The following CCDC148 variants were observed in gnomAD, a reference collection of about 807,000 sequenced individuals.
The protein encoded by CCDC148 is coiled-coil domain-containing protein 148.
A neutral mutation model predicts 85.7 loss-of-function variants in CCDC148; 89 were observed. That is an observed-to-expected ratio of 1.04 (90% CI 0.87 to 1.24). The LOEUF (loss-of-function observed/expected upper bound fraction) is 1.24. Ranked by LOEUF, CCDC148 falls within the 50% of genes most tolerant of loss-of-function variation. The probability of loss-of-function intolerance (pLI) is 0.00; values close to 1 mark genes in which losing one functional copy is unlikely to be tolerated. For missense variants in CCDC148, 692 were observed against 671.7 expected (o/e 1.03, Z -0.33); for synonymous variants, 230 against 213.9 (o/e 1.08, Z -0.66).
At chr2:158,397,869 C>T (rs551442762) in intron 1 of CCDC148, among the ~76,000 whole-genome samples, 26 of 152,124 alleles carry the variant, frequency 1.7e-4, no homozygotes, top group Admixed American at 1.6e-3. Context: ...CATCAGTGTG[C>T]TGTATTCAAG....
intron 1 of CCDC148, among the ~76,000 whole-genome samples, chr2:158,428,791 T>A (rs1024025592): frequency 2.0e-5 from 3 of 151,934 alleles, no homozygotes; most frequent in Admixed American, 1.3e-4. Flanking sequence ...ACTGAGCATA[T>A]ACCCAAAGGA....
At chr2:158,358,058 G>T (rs978370610) in intron 2 of CCDC148, among the ~76,000 whole-genome samples, 1 of 152,128 alleles carries the variant, frequency 6.6e-6, no homozygotes, top group African/African-American at 2.4e-5. Context: ...CTAGAAAAGA[G>T]AGCACCTGAG....
intron 9 of CCDC148, among the ~76,000 whole-genome samples, chr2:158,295,056 C>T (rs1212861327): frequency 6.6e-6 from 1 of 152,000 alleles, no homozygotes; most frequent in Non-Finnish European, 1.5e-5. Flanking sequence ...CATATATCTT[C>T]CTTGGTGAAG....
chr2:158,384,764 A>G (rs1260645001), intron 1 of CCDC148, among the ~76,000 whole-genome samples: 3 of 152,120 alleles, frequency 2.0e-5, no homozygotes, highest in Non-Finnish European at 4.4e-5. Flanking sequence ...AATTATCCCA[A>G]ATTTAGCCAG....
In CCDC148 at chr2:158,204,868, G is replaced by C. The variant is rs529785664; in HGVS notation, c.1370+15727C>G. On this transcript the variant is annotated intron_variant, in intron 11 of 13. Coordinates refer to ENST00000283233, the MANE Select transcript of CCDC148 (RefSeq NM_138803.4). ...AACACAGGAATGTAGTCAGCCACAGGAATGTTCCCAGTAGAAGAAACATCC... is the reference window on the plus strand; with the variant it reads ...AACACAGGAATGTAGTCAGCCACAGCAATGTTCCCAGTAGAAGAAACATCC... Among the ~76,000 whole-genome samples, 14 of 152,286 alleles carry C rather than the reference G, an allele frequency of 9.2e-5. No individual in the cohort carries two copies. In the South Asian group the frequency reaches 2.9e-3, roughly 32 times the overall value.
chr2:158,278,650 C>G (rs1020308022), intron 9 of CCDC148, among the ~76,000 whole-genome samples: 3 of 152,276 alleles, frequency 2.0e-5, no homozygotes, highest in African/African-American at 7.2e-5. Context: ...GAGCCCACCA[C>G]AGCTCAAGGA....
intron 2 of CCDC148, among the ~76,000 whole-genome samples, chr2:158,356,506 A>C (rs1431275390): frequency 6.6e-6 from 1 of 152,138 alleles, no homozygotes; most frequent in Admixed American, 6.5e-5. Context: ...GCCATCAGAG[A>C]AATGCAAATC....
At chr2:158,403,079 T>C (rs916990661) in intron 1 of CCDC148, among the ~76,000 whole-genome samples, 10 of 152,226 alleles carry the variant, frequency 6.6e-5, no homozygotes, top group Admixed American at 6.6e-4. Flanking sequence ...CTGAGAAAGG[T>C]CTGAAGATGC....
intron 10 of CCDC148, among the ~76,000 whole-genome samples, chr2:158,250,318 G>A (rs1466094554): frequency 6.6e-6 from 1 of 151,904 alleles, no homozygotes; most frequent in African/African-American, 2.4e-5. Flanking sequence ...CAGCCAAGAA[G>A]TAAACTCTAA....
At chr2:158,182,217 T>C (rs565565950) in intron 11 of CCDC148, among the ~76,000 whole-genome samples, 1 of 152,054 alleles carries the variant, frequency 6.6e-6, no homozygotes, top group South Asian at 2.1e-4. Flanking sequence ...TAGAACGGAA[T>C]TGAAGCCACA....
At chr2:158,387,799 C>T (rs1685152120) in intron 1 of CCDC148, among the ~76,000 whole-genome samples, 1 of 152,150 alleles carries the variant, frequency 6.6e-6, no homozygotes, top group Non-Finnish European at 1.5e-5. Flanking sequence ...CTTCCACCCC[C>T]ACCTTGCTTG....
intron 9 of CCDC148, among the ~76,000 whole-genome samples, chr2:158,262,272 C>A (rs912227137): frequency 3.3e-5 from 5 of 151,970 alleles, no homozygotes; most frequent in African/African-American, 1.2e-4. Flanking sequence ...AAATCAAACA[C>A]CACATGTTCT....
At chr2:158,432,221 AAAG>A (rs1226484517) in intron 1 of CCDC148, among the ~76,000 whole-genome samples, 2 of 151,018 alleles carry the variant, frequency 1.3e-5, no homozygotes, top group African/African-American at 2.4e-5. Context: ...AAATTAAAAA[AAAG>A]ATGATGAAAA....
intron 9 of CCDC148, among the ~76,000 whole-genome samples, chr2:158,291,302 G>C (rs1309566820): frequency 6.6e-6 from 1 of 152,128 alleles, no homozygotes; most frequent in East Asian, 1.9e-4. Flanking sequence ...GCTTCCAATG[G>C]CTCCTCATCA....
At chr2:158,242,893 C>T (rs1248292189) in intron 10 of CCDC148, among the ~76,000 whole-genome samples, 1 of 152,050 alleles carries the variant, frequency 6.6e-6, no homozygotes, top group Admixed American at 6.6e-5. Flanking sequence ...GATATGGAAG[C>T]TACCCTATAC....
chr2:158,401,513 G>C (rs1685780990), intron 1 of CCDC148, among the ~76,000 whole-genome samples: 1 of 152,032 alleles, frequency 6.6e-6, no homozygotes, highest in African/African-American at 2.4e-5. Flanking sequence ...ATGGACACAG[G>C]GAGGGGAACA....
At chr2:158,411,660 T>G (rs1451696130) in intron 1 of CCDC148, among the ~76,000 whole-genome samples, 2 of 152,198 alleles carry the variant, frequency 1.3e-5, no homozygotes, top group African/African-American at 4.8e-5. Flanking sequence ...ATTTTAAATT[T>G]TTTGTCAGGC....
chr2:158,384,875 C>G (rs564331854), intron 1 of CCDC148, among the ~76,000 whole-genome samples: 9 of 152,144 alleles, frequency 5.9e-5, no homozygotes, highest in Non-Finnish European at 1.3e-4. Flanking sequence ...CATGGCATGA[C>G]TTTGCTCAGA....
chr2:158,221,462 G>A (rs1687179338), intron 10 of CCDC148, among the ~76,000 whole-genome samples: 1 of 152,196 alleles, frequency 6.6e-6, no homozygotes, highest in South Asian at 2.1e-4. Flanking sequence ...TTATTGAACA[G>A]AGGCCCATTC....
Sources: gnomAD v4.1 joint callset for allele counts (sites outside exome capture counted in the v4.1 genomes callset) on GRCh38, gnomAD v4.1.1 for gene constraint, MANE v1.5 for transcripts, NCBI Gene and HGNC (gene_info 2026-07-23, HGNC 2026-07-21) for gene names.